The following NLRP4 variants were observed in gnomAD, a reference collection of about 807,000 sequenced individuals.
NLRP4 encodes the protein NACHT, LRR and PYD domains-containing protein 4.
NLRP4 carries 44 observed loss-of-function variants against 84.7 expected under a neutral mutation model. The ratio of observed to expected loss-of-function variants is 0.52; its 90% confidence interval spans 0.41 to 0.67. NLRP4 has a LOEUF of 0.67. Among genes scored for constraint, NLRP4 ranks in the 30% least tolerant of loss-of-function variants. NLRP4 has a pLI of 0.00. For synonymous variants in NLRP4, 544 were observed against 476.4 expected (o/e 1.14, Z -1.85); for missense variants, 1,260 against 1,219.4 (o/e 1.03, Z -0.50).
chr19:55,880,374 T>A (rs936498893), intron 9 of NLRP4, among the ~76,000 whole-genome samples: 2 of 152,260 alleles, frequency 1.3e-5, no homozygotes, highest in African/African-American at 4.8e-5. Context: ...CACGGAGGTC[T>A]GTGTTTGTCT....
Position 55,859,244 on chromosome 19 carries a change from C to A in NLRP4, c.1851C>A (p.Ser617Arg), listed in dbSNP as rs112191347. 1 of 1,594,362 alleles carries A rather than the reference C, an allele frequency of 6.3e-7. No homozygotes were observed. The highest frequency in any genetic ancestry group is 8.6e-7 in the Non-Finnish European group (1 of 1,166,054). ...TCTTTAAGAAAGAGGATGAACACAG[C>A]TCTACGTGAGTCCATCCTATGACTT... The part of the protein sequence containing the change: ...QNVFKKEDEH[S>R]STSDYSLICW... The change falls in exon 3 of 10, where the codon AGC becomes AGA. Residue 617 changes from serine (S) to arginine (R), a missense_variant. By Grantham distance (110) the Ser-to-Arg change is moderately radical. This residue lies in a region of NLRP4 where 544 missense variants were observed against 531.7 expected (regional missense o/e 1.02). Coordinates refer to ENST00000301295, the MANE Select transcript of NLRP4 (RefSeq NM_134444.5).
chr19:55,867,076 GTC>G (rs1984984400), intron 5 of NLRP4, among the ~76,000 whole-genome samples: 2 of 150,832 alleles, frequency 1.3e-5, no homozygotes, highest in African/African-American at 2.4e-5. Flanking sequence ...CAGGTTGGCT[GTC>G]TCTGTACCCC....
In NLRP4 at chr19:55,850,672, T is replaced by A. The variant is rs150984406; in HGVS notation, c.-65-1344T>A. On this transcript the variant is annotated intron_variant, in intron 1 of 9. Coordinates refer to ENST00000301295, the MANE Select transcript of NLRP4 (RefSeq NM_134444.5). ...GTCCGAGGCTGCGGTGTAATGTCCG[T>A]GGCTGCGGTGTAATGTCCGTGGCTG... Among the ~76,000 whole-genome samples the A allele has an allele frequency of 3.6e-3, 215 of 60,506 alleles. 4 individuals carry two copies. The highest frequency in any genetic ancestry group is 0.011 in the South Asian group (16 of 1,478). The allele number at this position is 60,506 out of a possible 152,430, so 39.7% of individuals were successfully genotyped here.
At chr19:55,844,571 C>T (rs147899439) in intron 1 of NLRP4, among the ~76,000 whole-genome samples, 137 of 152,176 alleles carry the variant, frequency 9.0e-4, no homozygotes, top group African/African-American at 1.9e-3. Flanking sequence ...CTACTGTGCC[C>T]GGCCAGATTT....
intron 3 of NLRP4, among the ~76,000 whole-genome samples, chr19:55,860,037 G>C (rs1057343123): frequency 1.4e-5 from 2 of 146,348 alleles, no homozygotes; most frequent in Admixed American, 6.8e-5. Flanking sequence ...CCAGGCTGGA[G>C]TGCAGTGGCG....
rs1568658719 is a variant in NLRP4 at position 55,850,192 on chromosome 19, TGGCTGCGGTGTAATTTCCG to T, written c.-65-1823_-65-1805del. Among the ~76,000 whole-genome samples the T allele has an allele frequency of 8.1e-4, 70 of 85,950 alleles. 1 individual carries two copies. The highest frequency in any genetic ancestry group is 3.9e-3 in the African/African-American group (61 of 15,482). 56.4% of individuals were successfully genotyped at this position (85,950 alleles called of 152,430 possible). ...TTCCGTGGCTGCGGTGTAATTTCCG[TGGCTGCGGTGTAATTTCCG>T]TGGCTGCGGTGTAATTTCCGTGGCT... On this transcript the variant is annotated intron_variant, in intron 1 of 9. Transcript: ENST00000301295.
chr19:55,859,926 CAA>C (rs1166037425), intron 3 of NLRP4, among the ~76,000 whole-genome samples: 12 of 17,498 alleles, frequency 6.9e-4, no homozygotes, highest in African/African-American at 1.5e-3. Flanking sequence ...CTCTCATCTC[CAA>C]AAAAAAAAAA....
chr19:55,848,497 G>A (rs1314369319), intron 1 of NLRP4, among the ~76,000 whole-genome samples: 1 of 152,090 alleles, frequency 6.6e-6, no homozygotes, highest in Non-Finnish European at 1.5e-5. Context: ...TCCACCTCCT[G>A]GGTTCAAGTG....
chr19:55,876,754 T>C (rs1985387757), intron 7 of NLRP4, among the ~76,000 whole-genome samples: 1 of 152,246 alleles, frequency 6.6e-6, no homozygotes, highest in Non-Finnish European at 1.5e-5. Flanking sequence ...ATGTAAATGT[T>C]GTGTGAACAG....
intron 3 of NLRP4, among the ~76,000 whole-genome samples, chr19:55,860,522 C>T (rs755666802): frequency 1.6e-4 from 25 of 152,028 alleles, no homozygotes; most frequent in African/African-American, 3.6e-4. Flanking sequence ...TAAGAGACTG[C>T]GGTGAGCCAT....
At chr19:55,849,317 G>T (rs963105125) in intron 1 of NLRP4, among the ~76,000 whole-genome samples, 1 of 152,202 alleles carries the variant, frequency 6.6e-6, no homozygotes, top group Non-Finnish European at 1.5e-5. Flanking sequence ...TAGGGTATCT[G>T]TTATGCTTCC....
In NLRP4 at chr19:55,867,881, G is replaced by T; in HGVS notation, c.2354+5G>T. 1 of 1,613,226 alleles carries T rather than the reference G, an allele frequency of 6.2e-7. No individual in the cohort carries two copies. The highest frequency in any genetic ancestry group is 8.5e-7 in the Non-Finnish European group (1 of 1,179,404). On this transcript the variant is annotated splice_donor_5th_base_variant and intron_variant, in intron 6 of 9. Transcript: ENST00000301295. ...CACGGTCCTGGTATACCTGATGTGA[G>T]TGGATGTTGGGGGTGCCTACTGTGG...
At chr19:55,849,951 G>GTAGCCGCGGTGTAATTTCCGT (rs5828653) in intron 1 of NLRP4, among the ~76,000 whole-genome samples, 1 of 128,766 alleles carries the variant, frequency 7.8e-6, no homozygotes, top group Non-Finnish European at 1.6e-5. Flanking sequence ...TGTAATTTCC[G>GTAGCCGCGGTGTAATTTCCGT]AGACTGCGGT....
chr19:55,850,147 T>G (rs1167669107), intron 1 of NLRP4, among the ~76,000 whole-genome samples: 15 of 134,024 alleles, frequency 1.1e-4, no homozygotes, highest in East Asian at 2.3e-4. Context: ...GCGGTGTAAT[T>G]TCCGAGGCTG....
chr19:55,851,131 G>GTGGCTGCGGTGT (rs1984113631), intron 1 of NLRP4, among the ~76,000 whole-genome samples: 1 of 96,778 alleles, frequency 1.0e-5, no homozygotes, highest in African/African-American at 7.1e-5. Context: ...TGTAATGTCC[G>GTGGCTGCGGTGT]AGGCTGCGGT....
At chr19:55,869,103 T>C (rs751193690) in intron 6 of NLRP4, among the ~76,000 whole-genome samples, 6 of 152,170 alleles carry the variant, frequency 3.9e-5, no homozygotes, top group Non-Finnish European at 8.8e-5. Flanking sequence ...GGTAACTATC[T>C]GGAGAGAGAT....
At chr19:55,848,405 CATACT>C (rs1018350199) in intron 1 of NLRP4, among the ~76,000 whole-genome samples, 1 of 151,764 alleles carries the variant, frequency 6.6e-6, no homozygotes, top group South Asian at 2.1e-4. Context: ...GATACTATAG[CATACT>C]ATACTATACA....
chr19:55,850,298 C>T (rs1443561762), intron 1 of NLRP4, among the ~76,000 whole-genome samples: 1 of 99,630 alleles, frequency 1.0e-5, no homozygotes, highest in Non-Finnish European at 1.8e-5. Flanking sequence ...TCCGTGGCTG[C>T]GGTGTAATGT....
In NLRP4 at chr19:55,857,837, A is replaced by T. The variant is rs1407815852; in HGVS notation, c.444A>T (p.Pro148=). The T allele has an allele frequency of 6.2e-7, 1 of 1,614,068 alleles. No individual in the cohort carries two copies. The highest frequency in any genetic ancestry group is 1.7e-5 in the Admixed American group (1 of 60,026). ...LFAPKEAGKQ[P]RTVIIQGPQG... The stretch of plus-strand genomic sequence containing the variant: ...CTCCCAAGGAAGCTGGGAAACAGCC[A>T]CGTACAGTGATCATTCAAGGACCAC... The change falls in exon 3 of 10, where the codon CCA becomes CCT. Residue 148 remains proline, a synonymous_variant. Transcript: ENST00000301295.
Sources: allele counts gnomAD v4.1 joint callset (sites outside exome capture counted in the v4.1 genomes callset), GRCh38; gene constraint gnomAD v4.1.1; regional missense constraint gnomAD v4.1.1; transcripts MANE v1.5; gene names NCBI Gene and HGNC (gene_info 2026-07-23, HGNC 2026-07-21).